CASP10: variants seen among roughly 807,000 people sequenced by gnomAD.
CASP10 encodes caspase 10.
Under a neutral mutation model 48.5 loss-of-function variants are expected in CASP10, and 41 were observed. The ratio of observed to expected loss-of-function variants is 0.85; its 90% CI spans 0.66 to 1.10. The LOEUF (loss-of-function observed/expected upper bound fraction) is 1.10, where lower values mean the gene tolerates loss of function less well. Ranked by LOEUF, CASP10 falls within the 50% of genes least tolerant of loss-of-function variation. The probability of loss-of-function intolerance (pLI) is 0.00; values close to 1 mark genes in which losing one functional copy is unlikely to be tolerated. For synonymous variants in CASP10, 232 were observed against 238.4 expected, an observed-to-expected ratio of 0.97 and a Z score of 0.25; for missense variants, 614 against 614.5, an observed-to-expected ratio of 1.00 and a Z score of 0.01.
At chr2:201,222,315 C>G (rs575344852), downstream of CASP10, among the ~76,000 whole-genome samples, 1 of 150,308 alleles carries the variant, frequency 6.7e-6, no homozygotes, top group East Asian at 2.0e-4. Flanking sequence ...CTCCTGGGTT[C>G]AAGCGATTCT....
chr2:201,228,829 G>T, intron 9 of CASP10: 2 of 900,378 alleles, frequency 2.2e-6, no homozygotes, highest in Non-Finnish European at 3.6e-6. Context: ...TGAAAGTACA[G>T]CTGCCCATAA....
chr2:201,217,469 G>C, intron 9 of CASP10, 119 bp from the exon 10 acceptor site: 1 of 694,976 alleles, frequency 1.4e-6, no homozygotes, highest in Non-Finnish European at 2.6e-6. Context: ...TGAGGCATGA[G>C]AATCACTTGA....
intron 5 of CASP10, 21 bp from the exon 6 acceptor site, chr2:201,203,708 GC>G (rs778443362): frequency 5.6e-6 from 9 of 1,609,724 alleles, no homozygotes; most frequent in Non-Finnish European, 6.8e-6. Context: ...TATGTTTCAT[GC>G]CCTCCTTTCT....
downstream of CASP10, among the ~76,000 whole-genome samples, chr2:201,222,376 C>T (rs1368201256): frequency 6.6e-6 from 1 of 152,110 alleles, no homozygotes; most frequent in African/African-American, 2.4e-5. Flanking sequence ...ACCACCATGC[C>T]TGGCTAATTT....
Position 201,218,156 on chromosome 2 carries a change from A to G in CASP10, c.*415A>G. 1 of 1,026,840 alleles carries G rather than the reference A, an allele frequency of 9.7e-7. No individual in the cohort carries two copies. 63.6% of individuals were successfully genotyped at this position (1,026,840 alleles called of 1,614,324 possible). ...AGGCTGGTTTCAAACTCCTAGGCCCAAGTGATCCTCCCACCTCTGTCCCCA... is the reference window on the plus strand; with the variant it reads ...AGGCTGGTTTCAAACTCCTAGGCCCGAGTGATCCTCCCACCTCTGTCCCCA... On this transcript the variant is annotated 3_prime_UTR_variant, in exon 10 of 10. Transcript: ENST00000286186.
rs2126048430 is a variant in CASP10 at position 201,209,489 on chromosome 2, T to A, written c.1342T>A (p.Ser448Thr). Reference sequence around the variant, plus strand: ...TCTGGCCACTGTCCCAGGCTATGTATCCTTTCGGCATGTGGAGGAAGGCAG... The same window carrying A: ...TCTGGCCACTGTCCCAGGCTATGTAACCTTTCGGCATGTGGAGGAAGGCAG... ...LGLATVPGYV[S>T]FRHVEEGSWY... Residue 448 changes from serine (S) to threonine (T), a missense_variant, in exon 9 of 10, where the codon TCC (serine) becomes ACC (threonine). Transcript: ENST00000286186. 5.0e-6 allele frequency: 8 copies of A among 1,613,886 alleles called. No individual in the cohort carries two copies. Among genetic ancestry groups the A allele is most frequent in the Non-Finnish European group, 6.8e-6 (8 of 1,179,884 alleles).
intron 3 of CASP10, among the ~76,000 whole-genome samples, chr2:201,192,394 A>AAATAATAAT (rs35491925): frequency 0.018 from 2,607 of 148,962 alleles, 38 homozygotes; most frequent in Non-Finnish European, 0.025. Context: ...CTCCATCTCA[A>AAATAATAAT]AATAATAATA....
In CASP10 at chr2:201,228,863, T is replaced by C. The variant is rs149908096; in HGVS notation, c.1416-70T>C. On this transcript the variant is annotated intron_variant, in intron 9 of 9. Coordinates refer to the CASP10 transcript ENST00000272879. ...AAAAAAGCTATGCCGGGGTCCAGCC[T>C]CTCCAGGTCCTTGTGTGTGAAAAAC... is the stretch of plus-strand genomic sequence containing the variant. 1.0e-3 allele frequency: 1,479 copies of C among 1,438,298 alleles called. 19 individuals carry two copies. In the African/African-American group the frequency reaches 0.018, roughly 18 times the overall value. 89.1% of individuals were successfully genotyped at this position (1,438,298 alleles called of 1,614,324 possible). A position where few individuals can be genotyped will look rare whatever the true frequency, so the allele number is the denominator to read the frequency against.
exon 10 of CASP10, chr2:201,229,104 C>T: frequency 6.2e-7 from 1 of 1,613,762 alleles, no homozygotes; most frequent in Non-Finnish European, 8.5e-7. Context: ...AGGCTTCCTT[C>T]TGCCTGCCTT....
intron 5 of CASP10, among the ~76,000 whole-genome samples, chr2:201,202,614 G>T (rs1190740884): frequency 6.6e-6 from 1 of 152,176 alleles, no homozygotes; most frequent in African/African-American, 2.4e-5. Flanking sequence ...AGAAATCTAG[G>T]ATTCTACAGG....
chr2:201,198,943 A>G lies in CASP10; in HGVS notation c.684+2995A>G, dbSNP rs150223244. On this transcript the variant is annotated intron_variant, in intron 5 of 9. Transcript: ENST00000286186. ...GATTTAAAAATAATTTCAATTTTAT[A>G]GAAAAGTTGCAAGAATGTGAATAAT... Among the ~76,000 whole-genome samples, 18 of 152,348 alleles carry G rather than the reference A, an allele frequency of 1.2e-4. No individual in the cohort carries two copies. The East Asian group carries it at 3.5e-3, about 29-fold the overall frequency.
At chr2:201,186,457 C>T (rs1464773871) in intron 2 of CASP10, 1 of 355,100 alleles carries the variant, frequency 2.8e-6, no homozygotes, top group East Asian at 6.5e-5. Flanking sequence ...TCCTGGGATC[C>T]ACTAGTCTGT....
chr2:201,188,872 ATTT>A (rs112390573), intron 3 of CASP10, among the ~76,000 whole-genome samples: 1 of 144,230 alleles, frequency 6.9e-6, no homozygotes, highest in Non-Finnish European at 1.5e-5. Context: ...AGATATTAGA[ATTT>A]TTTTTTTTTT....
chr2:201,192,811 A>G (rs749525604), intron 3 of CASP10, among the ~76,000 whole-genome samples, 173 bp from the exon 4 acceptor site: 16 of 152,188 alleles, frequency 1.1e-4, no homozygotes, highest in Non-Finnish European at 2.2e-4. Context: ...TAGATTGTAT[A>G]CAGATTTGCT....
At chr2:201,222,736 C>T (rs371366070), downstream of CASP10, among the ~76,000 whole-genome samples, 7 of 152,236 alleles carry the variant, frequency 4.6e-5, no homozygotes, top group Admixed American at 1.3e-4. Flanking sequence ...TATGCCCAGG[C>T]GGTGTAAAAC....
intron 1 of CASP10, among the ~76,000 whole-genome samples, chr2:201,183,650 C>T (rs907385388): frequency 5.3e-5 from 8 of 152,108 alleles, no homozygotes; most frequent in African/African-American, 1.7e-4. Flanking sequence ...GGGCTAGTAG[C>T]AGGGAAGATC....
chr2:201,226,462 A>G (rs1945789125), downstream of CASP10, among the ~76,000 whole-genome samples: 1 of 152,214 alleles, frequency 6.6e-6, no homozygotes, highest in Non-Finnish European at 1.5e-5. Context: ...TTTTGGATCT[A>G]TGTCCCAAAA....
Position 201,209,609 on chromosome 2 carries a change from TA to T in CASP10, c.1415+48del, listed in dbSNP as rs775598552. On this transcript the variant is annotated intron_variant, in intron 9 of 9. Coordinates refer to ENST00000286186, the MANE Select transcript of CASP10 (RefSeq NM_032977.4). ...CCATTTGTAATTAATTAGTTTTATT[TA>T]TTTTTTATTTTACTCTCATTCAACA... 17 of 1,546,806 alleles carry T rather than the reference TA, an allele frequency of 1.1e-5. No homozygotes were observed. The South Asian group carries it at 2.1e-4, about 19-fold the overall frequency.
At chr2:201,192,908 C>A in intron 3 of CASP10, 76 bp from the exon 4 acceptor site, 1 of 1,462,670 alleles carries the variant, frequency 6.8e-7, no homozygotes, top group Non-Finnish European at 9.6e-7. Context: ...CTAGTGCCTA[C>A]TGGCCATGCA....
Sources: allele counts gnomAD v4.1 joint callset (sites outside exome capture counted in the v4.1 genomes callset), GRCh38; gene constraint gnomAD v4.1.1; transcripts MANE v1.5; gene names NCBI Gene and HGNC (gene_info 2026-07-23, HGNC 2026-07-21).